The following CHM variants were observed in gnomAD, a reference collection of about 807,000 sequenced individuals.
CHM encodes the protein CHM Rab escort protein, also known as rab proteins geranylgeranyltransferase component A 1.
CHM carries 10 observed loss-of-function variants against 49.0 expected under a neutral mutation model. The ratio of observed to expected loss-of-function variants is 0.20; its 90% confidence interval spans 0.13 to 0.35. The LOEUF (loss-of-function observed/expected upper bound fraction) is 0.35. CHM is among the 10% of genes least tolerant of loss of function. The pLI is 1.00. For synonymous variants in CHM, 184 were observed against 167.5 expected, an observed-to-expected ratio of 1.10 and a Z score of -0.76; for missense variants, 455 against 478.4, an observed-to-expected ratio of 0.95 and a Z score of 0.46.
chrX:85,864,320 T>G lies in CHM; in HGVS notation c.*310A>C, dbSNP rs917570037. 1.1e-5 allele frequency: 3 copies of G among 264,094 alleles called. No homozygotes were observed. The highest frequency in any genetic ancestry group is 2.0e-5 in the Non-Finnish European group (3 of 147,773). 21.8% of individuals were successfully genotyped at this position (264,094 alleles called of 1,213,427 possible). On this transcript the variant is annotated 3_prime_UTR_variant, in exon 15 of 15. Coordinates refer to ENST00000357749, the MANE Select transcript of CHM (RefSeq NM_000390.4). Reference sequence around the variant, plus strand: ...GGTAAGCAAAATTGTCCTAAGACCATGGAATTATTAACAATGCATAGGATC... The same window carrying G: ...GGTAAGCAAAATTGTCCTAAGACCAGGGAATTATTAACAATGCATAGGATC...
rs771820130 is a variant in CHM, at chrX:85,895,541, G to T, written c.1414-1257C>A. On this transcript the variant is annotated intron_variant, in intron 11 of 14. Transcript: ENST00000357749. Reference sequence around the variant, plus strand: ...TTATCCTCTCACATAGAAAATACTTGTCAAAAGGGAAAAGCCCATTTGCAC... The same window carrying T: ...TTATCCTCTCACATAGAAAATACTTTTCAAAAGGGAAAAGCCCATTTGCAC... Among the ~76,000 whole-genome samples, 5 of 111,905 alleles carry T rather than the reference G, an allele frequency of 4.5e-5. No homozygotes were observed. In the South Asian group the frequency reaches 1.5e-3, roughly 33 times the overall value.
chrX:86,039,211 T>C (rs1283417503), intron 1 of CHM, among the ~76,000 whole-genome samples: 2 of 112,056 alleles, frequency 1.8e-5, no homozygotes, highest in East Asian at 2.8e-4. Flanking sequence ...CTAATTATCA[T>C]TGATTTTGCT....
At chrX:85,990,252 A>G (rs987334609) in intron 2 of CHM, among the ~76,000 whole-genome samples, 1 of 112,287 alleles carries the variant, frequency 8.9e-6, no homozygotes, top group African/African-American at 3.2e-5. Flanking sequence ...AAAACCAAAT[A>G]CCAAGTGTTT....
intron 1 of CHM, among the ~76,000 whole-genome samples, chrX:86,036,798 C>T (rs1934262909): frequency 9.0e-6 from 1 of 111,425 alleles, no homozygotes; most frequent in South Asian, 3.8e-4. Flanking sequence ...CTCCCTAGAC[C>T]CCTTAGGTAG....
intron 4 of CHM, among the ~76,000 whole-genome samples, chrX:85,965,001 T>C (rs1269806127): frequency 9.4e-6 from 1 of 106,519 alleles, no homozygotes; most frequent in Non-Finnish European, 2.0e-5. Context: ...ACAGTAGCCC[T>C]TCCTTATATC....
intron 8 of CHM, among the ~76,000 whole-genome samples, chrX:85,948,173 A>C (rs951928568): frequency 8.9e-6 from 1 of 112,286 alleles, no homozygotes; most frequent in Non-Finnish European, 1.9e-5. Context: ...TCCAAACTAG[A>C]ATGTAGTTAT....
rs144162258 is a variant in CHM at position 85,871,718 on chromosome X, T to A, written c.1770+1334A>T. Among the ~76,000 whole-genome samples the A allele has an allele frequency of 9.0e-3, 1,002 of 111,675 alleles. 15 individuals are homozygous for A. The highest frequency in any genetic ancestry group is 0.031 in the African/African-American group (946 of 30,737). ...AGCAAATTACCTCATGATAAAATTA[T>A]CCCTCAATTATAATCTTCTAGCATG... On this transcript the variant is annotated intron_variant, in intron 14 of 14. Transcript: ENST00000357749.
chrX:85,889,415 C>T (rs1373284244), intron 12 of CHM, among the ~76,000 whole-genome samples: 4 of 112,074 alleles, frequency 3.6e-5, no homozygotes, highest in African/African-American at 1.3e-4. Flanking sequence ...AGATGCTTCT[C>T]AAAAGAAGAT....
intron 2 of CHM, among the ~76,000 whole-genome samples, chrX:86,022,899 T>C (rs1285568801): frequency 9.0e-6 from 1 of 111,424 alleles, no homozygotes; most frequent in Non-Finnish European, 1.9e-5. Context: ...TAAATGAAAT[T>C]GTCACCACCA....
chrX:85,951,892 G>T (rs1017697498), intron 8 of CHM, among the ~76,000 whole-genome samples: 5 of 112,108 alleles, frequency 4.5e-5, no homozygotes, highest in African/African-American at 6.5e-5. Context: ...TGTGGAAAGA[G>T]AAATCTATGC....
chrX:86,013,483 C>A (rs1933162671), intron 2 of CHM, among the ~76,000 whole-genome samples: 1 of 111,389 alleles, frequency 9.0e-6, no homozygotes, highest in African/African-American at 3.3e-5. Context: ...CCTGTAATCC[C>A]AGCAATTTGG....
chrX:85,910,462 G>A (rs914857268), intron 9 of CHM, among the ~76,000 whole-genome samples: 3 of 111,397 alleles, frequency 2.7e-5, no homozygotes, highest in African/African-American at 9.8e-5. Flanking sequence ...TCTAAAACTG[G>A]ATCTAAAATA....
At chrX:85,920,858 T>C (rs753568621) in intron 8 of CHM, among the ~76,000 whole-genome samples, 19 of 112,239 alleles carry the variant, frequency 1.7e-4, no homozygotes, top group Admixed American at 6.6e-4. Flanking sequence ...AATCAGATGA[T>C]CAAAGTTACT....
At chrX:85,903,174 G>A (rs959930761) in intron 9 of CHM, among the ~76,000 whole-genome samples, 19 of 111,493 alleles carry the variant, frequency 1.7e-4, no homozygotes, top group Non-Finnish European at 3.4e-4. Flanking sequence ...TTGGGTAGAC[G>A]TGTGACTGAA....
At chrX:85,996,403 G>C (rs376726850) in intron 2 of CHM, among the ~76,000 whole-genome samples, 36 of 111,720 alleles carry the variant, frequency 3.2e-4, no homozygotes, top group South Asian at 2.2e-3. Flanking sequence ...TCTGAAATAA[G>C]TCCATGAGGT....
Position 85,955,487 on chromosome X carries a change from G to A in CHM, c.1166+666C>T, listed in dbSNP as rs756010761. 1.3e-3 allele frequency among the ~76,000 whole-genome samples: 148 copies of A among 111,870 alleles called. 2 individuals are homozygous for A. Among genetic ancestry groups the A allele is most frequent in the African/African-American group, 4.5e-3 (139 of 30,821 alleles). On this transcript the variant is annotated intron_variant, in intron 8 of 14. Coordinates refer to ENST00000357749, the MANE Select transcript of CHM (RefSeq NM_000390.4). ...ATGGCCAGTAAACATATGAGAAAAGGTTCAACTTCATAGGTAATTAGGGAA... is the reference window on the plus strand; with the variant it reads ...ATGGCCAGTAAACATATGAGAAAAGATTCAACTTCATAGGTAATTAGGGAA...
chrX:85,950,261 C>T (rs28687056), intron 8 of CHM, among the ~76,000 whole-genome samples: 24,092 of 105,072 alleles, frequency 0.23, 2,147 homozygotes, highest in Non-Finnish European at 0.25. Context: ...AAACAATACA[C>T]GGCAATATTA....
chrX:85,971,555 T>C (rs759815937), intron 4 of CHM: 37 of 286,511 alleles, frequency 1.3e-4, no homozygotes, highest in Non-Finnish European at 1.5e-4. Flanking sequence ...ATCTTCGCGG[T>C]GAGTGTTACA....
intron 13 of CHM, among the ~76,000 whole-genome samples, chrX:85,874,549 G>A (rs1924303535): frequency 9.0e-6 from 1 of 111,055 alleles, no homozygotes; most frequent in Admixed American, 9.6e-5. Flanking sequence ...AGGATAAACA[G>A]GATTTTATTA....
Sources: gnomAD v4.1 joint callset for allele counts (sites outside exome capture counted in the v4.1 genomes callset) on GRCh38, gnomAD v4.1.1 for gene constraint, MANE v1.5 for transcripts, NCBI Gene and HGNC (gene_info 2026-07-23, HGNC 2026-07-21) for gene names.